Variants in NHSL1 observed in about 807,000 individuals in gnomAD.
NHSL1 encodes NHS like 1.
NHSL1 carries 48 observed loss-of-function variants against 95.0 expected under a neutral mutation model. The observed-to-expected ratio is 0.51, with a 90% CI of 0.40 to 0.64. The LOEUF is 0.64. Among genes scored for constraint, NHSL1 ranks in the 30% least tolerant of loss-of-function variants. The pLI is 0.00. For synonymous variants in NHSL1, 783 were observed against 833.9 expected, an observed-to-expected ratio of 0.94 and a Z score of 1.05; for missense variants, 1,971 against 2,077.7, an observed-to-expected ratio of 0.95 and a Z score of 1.00.
intron 1 of NHSL1, among the ~76,000 whole-genome samples, chr6:138,623,727 T>C (rs971627863): frequency 6.6e-6 from 1 of 152,012 alleles, no homozygotes; most frequent in African/African-American, 2.4e-5. Context: ...ACAGAGGTGA[T>C]ATAGTTTGGC....
chr6:138,619,428 C>T (rs1003238500), intron 1 of NHSL1, among the ~76,000 whole-genome samples: 3 of 152,182 alleles, frequency 2.0e-5, no homozygotes, highest in Non-Finnish European at 4.4e-5. Context: ...CCTTAATGTG[C>T]TAAGATTAAA....
chr6:138,452,977 T>C (rs1284279032), intron 3 of NHSL1, among the ~76,000 whole-genome samples: 2 of 152,210 alleles, frequency 1.3e-5, no homozygotes, highest in African/African-American at 4.8e-5. Context: ...TTGTTCATTC[T>C]TTTTTTCTTT....
At chr6:138,446,253 T>C (rs1414095695) in intron 4 of NHSL1, among the ~76,000 whole-genome samples, 1 of 152,076 alleles carries the variant, frequency 6.6e-6, no homozygotes. Context: ...GCCAGGCTGG[T>C]CTCAAACTCC....
At chr6:138,676,332 C>T (rs1785448185) in intron 1 of NHSL1, among the ~76,000 whole-genome samples, 6 of 152,012 alleles carry the variant, frequency 3.9e-5, no homozygotes, top group Admixed American at 3.9e-4. Flanking sequence ...GGAAACCTTA[C>T]ATTATTAAGG....
rs1274804144 is a variant in NHSL1, at chr6:138,432,424, C to A, written c.1921G>T (p.Val641Phe). 1 of 1,552,334 alleles carries A rather than the reference C, an allele frequency of 6.4e-7. No homozygotes were observed. The highest frequency in any genetic ancestry group is 8.7e-7 in the Non-Finnish European group (1 of 1,147,134). Residue 641 changes from valine (V) to phenylalanine (F), a missense_variant, in exon 6 of 8, where the codon GTT (valine) becomes TTT (phenylalanine). This residue lies in a region of NHSL1 where 1,602 missense variants were observed against 1,654.5 expected (regional missense o/e 0.97). Transcript: ENST00000343505. The surrounding 1 kb of genome is among the most constrained non-coding windows in gnomAD (Gnocchi z 4.4). ...NPRHSVINVFVGRAQKNQGDR... is the reference protein window; with the variant it reads ...NPRHSVINVFFGRAQKNQGDR... ...CCTTGGTTTTTCTGAGCTCTTCCAACAAAAACATTGATCACGCTGTGCCTG... is the reference window on the plus strand; with the variant it reads ...CCTTGGTTTTTCTGAGCTCTTCCAAAAAAAACATTGATCACGCTGTGCCTG...
intron 1 of NHSL1, among the ~76,000 whole-genome samples, chr6:138,589,863 T>C (rs1439128365): frequency 2.6e-5 from 4 of 152,120 alleles, no homozygotes; most frequent in Non-Finnish European, 5.9e-5. Flanking sequence ...TCCTTGGCCC[T>C]TGCACCTTGG....
Position 138,463,177 on chromosome 6 carries a change from C to T in NHSL1, c.339+10129G>A, listed in dbSNP as rs138580457. Reference sequence around the variant, plus strand: ...TGGCTATCACTTGCCTGGATTATTGCAAGGGCCTATTGTCTTGTCTCTGTG... The same window carrying T: ...TGGCTATCACTTGCCTGGATTATTGTAAGGGCCTATTGTCTTGTCTCTGTG... On this transcript the variant is annotated intron_variant, in intron 3 of 7. Transcript: ENST00000343505. 2.3e-3 allele frequency among the ~76,000 whole-genome samples: 352 copies of T among 152,316 alleles called. 1 individual carries two copies. Among genetic ancestry groups the T allele is most frequent in the Middle Eastern group, 0.014 (4 of 294 alleles).
At chr6:138,595,434 G>T (rs1784291098) in intron 1 of NHSL1, among the ~76,000 whole-genome samples, 1 of 152,114 alleles carries the variant, frequency 6.6e-6, no homozygotes, top group African/African-American at 2.4e-5. Context: ...AAATTAGTTG[G>T]CTGTGGTGGC....
rs146311418 is a variant in NHSL1 at position 138,426,942 on chromosome 6, G to A, written c.4086-2126C>T. 6.2e-4 allele frequency among the ~76,000 whole-genome samples: 95 copies of A among 152,312 alleles called. 1 individual carries two copies. The East Asian group carries it at 0.017, about 27-fold the overall frequency. ...TCGAAACTGTAGAGCTAGAAAAGAC[G>A]TTAGAAATGGTCTAGTCCAACCACT... is the stretch of plus-strand genomic sequence containing the variant. On this transcript the variant is annotated intron_variant, in intron 7 of 7. Transcript: ENST00000343505.
intron 1 of NHSL1, among the ~76,000 whole-genome samples, chr6:138,552,194 G>T (rs1249184716): frequency 6.6e-6 from 1 of 152,168 alleles, no homozygotes; most frequent in Non-Finnish European, 1.5e-5. Flanking sequence ...GCCGAGGCAG[G>T]CGGATCACGA....
rs183135718 is a variant in NHSL1 at position 138,432,300 on chromosome 6, C to T, written c.2045G>A (p.Arg682His). 76 of 1,551,310 alleles carry T rather than the reference C, an allele frequency of 4.9e-5. 1 individual carries two copies. In the South Asian group the frequency reaches 5.8e-4, roughly 12 times the overall value. The change falls in exon 6 of 8, where the codon CGC (arginine) becomes CAC (histidine). Residue 682 changes from arginine to histidine, a missense_variant. Arg to His is a conservative substitution (Grantham distance 29). This residue lies in a region of NHSL1 where 1,602 missense variants were observed against 1,654.5 expected (regional missense o/e 0.97). Transcript: ENST00000343505. This position sits in a 1 kb window ranked among gnomAD's most constrained non-coding sequence, Gnocchi z 4.4. ...PLPPSRTDSLRRIPKKSSQCN... is the reference protein window; with the variant it reads ...PLPPSRTDSLHRIPKKSSQCN... ...CTGGCTGCTCTTCTTGGGAATCCTG[C>T]GGAGGGAGTCTGTCCGGGAGGGTGG...
intron 4 of NHSL1, among the ~76,000 whole-genome samples, chr6:138,445,096 T>C (rs1424472295): frequency 6.6e-6 from 1 of 152,190 alleles, no homozygotes; most frequent in Non-Finnish European, 1.5e-5. Flanking sequence ...CATGACACTG[T>C]CTTCTGTTGT....
At chr6:138,564,234 C>T (rs1783522244) in intron 1 of NHSL1, among the ~76,000 whole-genome samples, 1 of 152,206 alleles carries the variant, frequency 6.6e-6, no homozygotes, top group African/African-American at 2.4e-5. Flanking sequence ...ACAGTGCTAC[C>T]TATAACTTGG....
At chr6:138,445,634 T>C (rs1433640784) in intron 4 of NHSL1, among the ~76,000 whole-genome samples, 1 of 152,184 alleles carries the variant, frequency 6.6e-6, no homozygotes, top group Non-Finnish European at 1.5e-5. Flanking sequence ...TTTCTAAATA[T>C]CTGGTAAGGT....
At chr6:138,449,006 C>T (rs530146808) in intron 3 of NHSL1, among the ~76,000 whole-genome samples, 51 of 147,420 alleles carry the variant, frequency 3.5e-4, no homozygotes, top group Middle Eastern at 7.2e-3. Context: ...GAGCCGAGAT[C>T]GCACCATTGC....
rs941567514 is a variant in NHSL1 at position 138,432,455 on chromosome 6, C to T, written c.1890G>A (p.Gly630=). 6 of 1,552,256 alleles carry T rather than the reference C, an allele frequency of 3.9e-6. No homozygotes were observed. The African/African-American group carries it at 8.2e-5, about 21-fold the overall frequency. ...CATTGATCACGCTGTGCCTGGGGTTCCCAAAGCCATCACTGCTATTGCACA... is the reference window on the plus strand; with the variant it reads ...CATTGATCACGCTGTGCCTGGGGTTTCCAAAGCCATCACTGCTATTGCACA... ...GNLCNSSDGF[G]NPRHSVINVF... Residue 630 remains glycine (G), a synonymous_variant, in exon 6 of 8, where the codon GGG becomes GGA. Coordinates refer to ENST00000343505, the MANE Select transcript of NHSL1 (RefSeq NM_001144060.2). This position sits in a 1 kb window ranked among gnomAD's most constrained non-coding sequence, Gnocchi z 4.4.
chr6:138,485,292 G>A (rs895753717), intron 2 of NHSL1, among the ~76,000 whole-genome samples: 1 of 152,054 alleles, frequency 6.6e-6, no homozygotes, highest in African/African-American at 2.4e-5. Context: ...ACTTTATCGG[G>A]AGTTAAAATA....
At chr6:138,666,590 C>CAAAAA (rs10564684) in intron 1 of NHSL1, among the ~76,000 whole-genome samples, 40 of 89,258 alleles carry the variant, frequency 4.5e-4, no homozygotes, top group Middle Eastern at 6.4e-3. Context: ...GCCTCCATCT[C>CAAAAA]AAAAAAAAAA....
At chr6:138,597,231 T>C (rs1490264247) in intron 1 of NHSL1, among the ~76,000 whole-genome samples, 2 of 152,082 alleles carry the variant, frequency 1.3e-5, no homozygotes. Flanking sequence ...AGTGCTGGCA[T>C]ATGAAGCATC....
Sources: gnomAD v4.1 joint callset for allele counts (sites outside exome capture counted in the v4.1 genomes callset) on GRCh38, gnomAD v4.1.1 for gene constraint, gnomAD v4.1.1 regional missense constraint, Gnocchi (gnomAD v3.1) non-coding constraint, MANE v1.5 for transcripts, NCBI Gene and HGNC (gene_info 2026-07-23, HGNC 2026-07-21) for gene names.